The following HTT variants were observed in gnomAD, a reference collection of about 807,000 sequenced individuals.
The protein encoded by HTT is huntingtin, also known as huntington disease protein.
A neutral mutation model predicts 362.3 loss-of-function variants in HTT; 104 were observed. The observed-to-expected ratio is 0.29, with a 90% confidence interval of 0.24 to 0.34. HTT has a LOEUF of 0.34. Ranked by LOEUF, HTT falls within the 10% of genes least tolerant of loss-of-function variation. The probability of loss-of-function intolerance (pLI) is 1.00; values close to 1 mark genes in which losing one functional copy is unlikely to be tolerated. For synonymous variants in HTT, 1,577 were observed against 1,548.7 expected (o/e 1.02, Z -0.43); for missense variants, 3,301 against 3,928.6 (o/e 0.84, Z 4.27).
rs1234199575 is a variant in HTT at position 3,228,756 on chromosome 4, G to A, written c.7979+11G>A. 9.5e-6 allele frequency: 15 copies of A among 1,571,448 alleles called. No individual in the cohort carries two copies. Among genetic ancestry groups the A allele is most frequent in the Non-Finnish European group, 1.3e-5 (15 of 1,156,560 alleles). On this transcript the variant is annotated intron_variant, in intron 58 of 66. Transcript: ENST00000355072. The surrounding 1 kb of genome is among the most constrained non-coding windows in gnomAD (Gnocchi z 4.3). ...TCCAGTCAACTCCAGGTTTTCCAAT[G>A]GCCTTTTTCTTTTTAACAGAAATTT... is the stretch of plus-strand genomic sequence containing the variant.
chr4:3,134,691 C>CT, intron 19 of HTT, 151 bp downstream of exon 19: 1 of 640,400 alleles, frequency 1.6e-6, no homozygotes. Context: ...CTCCCAGTGG[C>CT]TTTTTGCTGA....
At position 3,127,481 on chromosome 4, in the gene HTT, C is replaced by T. The variant is rs1319415741; in HGVS notation, c.1620C>T (p.Val540=). The change falls in exon 12 of 67, where the codon GTC becomes GTT. Residue 540 remains valine, a synonymous_variant. Coordinates refer to ENST00000355072, the MANE Select transcript of HTT (RefSeq NM_001388492.1). The stretch of plus-strand genomic sequence containing the variant: ...ACAGCTCCAGCCAGGTCAGCGCCGT[C>T]CCATCTGACCCTGCCATGGACCTGA... ...LSHSSSQVSA[V]PSDPAMDLND... The T allele has an allele frequency of 1.2e-6, 2 of 1,614,196 alleles. No homozygotes were observed. The highest frequency in any genetic ancestry group is 1.7e-5 in the Admixed American group (1 of 60,022).
At chr4:3,143,091 T>A (rs1716424583) in intron 23 of HTT, among the ~76,000 whole-genome samples, 1 of 152,126 alleles carries the variant, frequency 6.6e-6, no homozygotes, top group South Asian at 2.1e-4. Flanking sequence ...TTCTGATTAT[T>A]AAAGTAATAC....
At chr4:3,176,563 G>T (rs936571488) in intron 33 of HTT, among the ~76,000 whole-genome samples, 1 of 152,054 alleles carries the variant, frequency 6.6e-6, no homozygotes, top group Non-Finnish European at 1.5e-5. Flanking sequence ...AGGCTCTCAG[G>T]GGGGCACGGG....
Position 3,243,057 on chromosome 4 carries a change from C to T in HTT, c.*2998C>T, listed in dbSNP as rs986895271. ...AAAGGACACCCCTCGCCCCCATCTT[C>T]ATGGAGGGGGTCATTTCAGAGCCCT... On this transcript the variant is annotated 3_prime_UTR_variant, in exon 67 of 67. Coordinates refer to ENST00000355072, the MANE Select transcript of HTT (RefSeq NM_001388492.1). The T allele has an allele frequency of 1.3e-5, 2 of 152,696 alleles. No homozygotes were observed. The highest frequency in any genetic ancestry group is 1.3e-4 in the Admixed American group (2 of 15,300). The allele number at this position is 152,696 out of a possible 1,614,324, so 9.5% of individuals were successfully genotyped here.
chr4:3,162,234 G>A (rs1189593045), intron 29 of HTT, among the ~76,000 whole-genome samples: 3 of 152,196 alleles, frequency 2.0e-5, no homozygotes, highest in African/African-American at 7.2e-5. Context: ...GATGATTGTA[G>A]ATGTGTGGTG....
At chr4:3,134,165 T>A (rs1169690770) in intron 18 of HTT, among the ~76,000 whole-genome samples, 1 of 152,042 alleles carries the variant, frequency 6.6e-6, no homozygotes, top group Non-Finnish European at 1.5e-5. Context: ...TAAGCAGAAA[T>A]GGAAGGAAGA....
intron 14 of HTT, among the ~76,000 whole-genome samples, 189 bp downstream of exon 14, chr4:3,130,612 C>T (rs923052990): frequency 2.6e-5 from 4 of 152,196 alleles, no homozygotes; most frequent in Non-Finnish European, 5.9e-5. Context: ...TGAGAATTGC[C>T]TGAGTTCTGC....
At chr4:3,112,040 TA>T (rs1714779937) in intron 6 of HTT, among the ~76,000 whole-genome samples, 1 of 152,254 alleles carries the variant, frequency 6.6e-6, no homozygotes, top group Non-Finnish European at 1.5e-5. Flanking sequence ...TGTTACTTTT[TA>T]GCTTCCGAAG....
chr4:3,096,470 A>G (rs1194277159), intron 2 of HTT, among the ~76,000 whole-genome samples: 1 of 152,254 alleles, frequency 6.6e-6, no homozygotes, highest in African/African-American at 2.4e-5. Flanking sequence ...ATGCTGGGCC[A>G]TAAAACAAGT....
intron 45 of HTT, among the ~76,000 whole-genome samples, chr4:3,208,277 C>G: frequency 6.6e-6 from 1 of 152,176 alleles, no homozygotes; most frequent in Non-Finnish European, 1.5e-5. Flanking sequence ...TGACCCTAGA[C>G]TTAGTCTTCA....
intron 23 of HTT, 50 bp downstream of exon 23, chr4:3,142,936 A>G (rs2110200539): frequency 1.3e-6 from 2 of 1,522,838 alleles, no homozygotes; most frequent in East Asian, 4.5e-5. Flanking sequence ...AGTTTTTGGT[A>G]GCTTGTATGG....
chr4:3,092,613 C>T (rs1250118201), intron 2 of HTT, among the ~76,000 whole-genome samples: 1 of 152,086 alleles, frequency 6.6e-6, no homozygotes, highest in Non-Finnish European at 1.5e-5. Flanking sequence ...AATTCCTGGG[C>T]CCAAGTGATC....
At chr4:3,222,561 T>C (rs1720728415) in intron 54 of HTT, 74 bp downstream of exon 54, 4 of 1,085,048 alleles carry the variant, frequency 3.7e-6, no homozygotes, top group Admixed American at 4.1e-5. Context: ...GGGAATAAAA[T>C]AAGGCAGCAA....
chr4:3,174,754 G>C lies in HTT; in HGVS notation c.4200G>C (p.Gln1400His), dbSNP rs762578142. The C allele has an allele frequency of 6.2e-7, 1 of 1,614,094 alleles. No homozygotes were observed. The highest frequency in any genetic ancestry group is 8.5e-7 in the Non-Finnish European group (1 of 1,179,972). The change falls in exon 32 of 67, where the codon CAG becomes CAC. Residue 1400 changes from glutamine to histidine, a missense_variant. Coordinates refer to ENST00000355072, the MANE Select transcript of HTT (RefSeq NM_001388492.1). ...WFDVLQKVST[Q>H]LKTNLTSVTK... Reference sequence around the variant, plus strand: ...ATGTCCTCCAGAAAGTGTCTACCCAGTTGAAGACAAACCTCACGAGTGTCA... The same window carrying C: ...ATGTCCTCCAGAAAGTGTCTACCCACTTGAAGACAAACCTCACGAGTGTCA...
intron 60 of HTT, among the ~76,000 whole-genome samples, chr4:3,230,571 T>G (rs1221088122): frequency 6.6e-6 from 1 of 152,210 alleles, no homozygotes; most frequent in Admixed American, 6.5e-5. Context: ...TAGTCTTTTT[T>G]GGCTGCTACC....
chr4:3,240,244 C>A lies in HTT; in HGVS notation c.*185C>A, dbSNP rs1474919642. The A allele has an allele frequency of 1.1e-5, 7 of 614,030 alleles. No homozygotes were observed. In the East Asian group the frequency reaches 1.6e-4, roughly 14 times the overall value. 38.0% of individuals were successfully genotyped at this position (614,030 alleles called of 1,614,324 possible). A position where few individuals can be genotyped will look rare whatever the true frequency, so the allele number is the denominator to read the frequency against. On this transcript the variant is annotated 3_prime_UTR_variant, in exon 67 of 67. Transcript: ENST00000355072. Reference sequence around the variant, plus strand: ...AGTGCTCTTTGTGGCAGTGGCCAGGCAGGGAGTGTCTGCAGTCCTGGTGGG... The same window carrying A: ...AGTGCTCTTTGTGGCAGTGGCCAGGAAGGGAGTGTCTGCAGTCCTGGTGGG...
chr4:3,174,030 TG>T (rs1718119482), intron 31 of HTT, among the ~76,000 whole-genome samples: 1 of 152,244 alleles, frequency 6.6e-6, no homozygotes, highest in South Asian at 2.1e-4. Context: ...CTTCTTAAAT[TG>T]CCTTAAGTAT....
chr4:3,209,969 G>T lies in HTT; in HGVS notation c.6414+20G>T. ...AACTCGGTACGGGGGGAGCAGTGGA[G>T]GCAAGGAATCCTCAGCTTTTCTTGT... On this transcript the variant is annotated intron_variant, in intron 47 of 66. Coordinates refer to ENST00000355072, the MANE Select transcript of HTT (RefSeq NM_001388492.1). 1 of 1,611,752 alleles carries T rather than the reference G, an allele frequency of 6.2e-7. No individual in the cohort carries two copies.
Sources: gnomAD v4.1 joint callset for allele counts (sites outside exome capture counted in the v4.1 genomes callset) on GRCh38, gnomAD v4.1.1 for gene constraint, Gnocchi (gnomAD v3.1) non-coding constraint, MANE v1.5 for transcripts, NCBI Gene and HGNC (gene_info 2026-07-23, HGNC 2026-07-21) for gene names.